The following FARS2 variants were observed in gnomAD, a reference collection of about 807,000 sequenced individuals.
FARS2 encodes the protein phenylalanine--tRNA ligase, mitochondrial.
Under a neutral mutation model 46.4 loss-of-function variants are expected in FARS2, and 40 were observed. The ratio of observed to expected loss-of-function variants is 0.86; its 90% confidence interval spans 0.67 to 1.12. The LOEUF (loss-of-function observed/expected upper bound fraction) is 1.12, where lower values mean the gene tolerates loss of function less well. Among genes scored for constraint, FARS2 ranks in the 50% most tolerant of loss-of-function variants. FARS2 has a pLI of 0.00. For synonymous variants in FARS2, 234 were observed against 214.9 expected (o/e 1.09, Z -0.78); for missense variants, 513 against 567.9 (o/e 0.90, Z 0.98).
intron 6 of FARS2, among the ~76,000 whole-genome samples, chr6:5,621,320 G>A (rs1775766000): frequency 1.3e-5 from 2 of 151,856 alleles, no homozygotes; most frequent in Non-Finnish European, 2.9e-5. Flanking sequence ...TGAACTCCTG[G>A]CCTCAAGGGA....
chr6:5,314,817 A>G (rs1395427248), intron 1 of FARS2, among the ~76,000 whole-genome samples: 1 of 152,192 alleles, frequency 6.6e-6, no homozygotes, highest in African/African-American at 2.4e-5. Flanking sequence ...TACAGATTTC[A>G]TTACTCTTTC....
At chr6:5,290,840 T>G (rs1298698975) in intron 1 of FARS2, among the ~76,000 whole-genome samples, 1 of 152,130 alleles carries the variant, frequency 6.6e-6, no homozygotes, top group Non-Finnish European at 1.5e-5. Context: ...CCACCTCAGC[T>G]TCTCCAGTAA....
At chr6:5,424,074 C>T (rs979624747) in intron 3 of FARS2, among the ~76,000 whole-genome samples, 5 of 152,118 alleles carry the variant, frequency 3.3e-5, no homozygotes, top group African/African-American at 4.8e-5. Flanking sequence ...CCCTGGGAAT[C>T]GTGTCTGTGG....
Position 5,441,259 on chromosome 6 carries a change from A to T in FARS2, c.904+10087A>T, listed in dbSNP as rs1763829185. Among the ~76,000 whole-genome samples, 3 of 152,320 alleles carry T rather than the reference A, an allele frequency of 2.0e-5. No individual in the cohort carries two copies. In the South Asian group the frequency reaches 6.2e-4, roughly 32 times the overall value. On this transcript the variant is annotated intron_variant, in intron 4 of 6. Transcript: ENST00000274680. ...TTCTAATGAGACTAGAAAGGATGCT[A>T]GAATATATTCTGCAAGTTTTTCTTT...
At chr6:5,417,957 G>T (rs951407412) in intron 3 of FARS2, among the ~76,000 whole-genome samples, 10 of 150,712 alleles carry the variant, frequency 6.6e-5, no homozygotes, top group Admixed American at 2.0e-4. Flanking sequence ...AATTTCTATT[G>T]CTTTATCTTC....
chr6:5,462,118 C>T (rs1186892912), intron 4 of FARS2, among the ~76,000 whole-genome samples: 1 of 152,148 alleles, frequency 6.6e-6, no homozygotes, highest in Non-Finnish European at 1.5e-5. Flanking sequence ...GTTTGTATCT[C>T]GTTAGTTTTA....
chr6:5,730,432 G>A (rs1561826310), intron 6 of FARS2, among the ~76,000 whole-genome samples: 1 of 152,138 alleles, frequency 6.6e-6, no homozygotes, highest in Non-Finnish European at 1.5e-5. Flanking sequence ...GGTAAAGACA[G>A]AGGAAAATGT....
At chr6:5,459,478 T>C (rs1765108687) in intron 4 of FARS2, among the ~76,000 whole-genome samples, 1 of 152,122 alleles carries the variant, frequency 6.6e-6, no homozygotes, top group East Asian at 1.9e-4. Context: ...TTTCCTCTTT[T>C]GTGCTGTTGG....
intron 4 of FARS2, among the ~76,000 whole-genome samples, chr6:5,445,245 T>C (rs1764118055): frequency 6.6e-6 from 1 of 152,128 alleles, no homozygotes. Context: ...ATTTAAACTA[T>C]TTATGAAACT....
At chr6:5,698,059 G>C (rs565279392) in intron 6 of FARS2, among the ~76,000 whole-genome samples, 1 of 152,104 alleles carries the variant, frequency 6.6e-6, no homozygotes, top group Non-Finnish European at 1.5e-5. Context: ...GGGAGGACAA[G>C]GGAAGAAAAG....
chr6:5,486,260 T>G (rs930256698), intron 4 of FARS2, among the ~76,000 whole-genome samples: 2 of 152,220 alleles, frequency 1.3e-5, no homozygotes, highest in Non-Finnish European at 2.9e-5. Flanking sequence ...GGGATTATCA[T>G]CCTCACTACA....
At chr6:5,365,519 T>A (rs991676495) in intron 1 of FARS2, among the ~76,000 whole-genome samples, 6 of 144,288 alleles carry the variant, frequency 4.2e-5, no homozygotes, top group Admixed American at 2.1e-4. Flanking sequence ...AATTTTTTTT[T>A]TTTTTTTTTT....
At chr6:5,353,294 C>T (rs1266803413) in intron 1 of FARS2, among the ~76,000 whole-genome samples, 2 of 152,178 alleles carry the variant, frequency 1.3e-5, no homozygotes, top group Admixed American at 1.3e-4. Context: ...TCCTTATTCA[C>T]TTATCTGTTG....
intron 6 of FARS2, among the ~76,000 whole-genome samples, chr6:5,713,043 A>T (rs375439253): frequency 6.6e-6 from 1 of 152,252 alleles, no homozygotes; most frequent in African/African-American, 2.4e-5. Flanking sequence ...GCCCTACCTT[A>T]TCCTGACCTT....
intron 4 of FARS2, among the ~76,000 whole-genome samples, chr6:5,469,504 C>A (rs1765695649): frequency 1.3e-5 from 2 of 152,240 alleles, no homozygotes. Context: ...TGATCCAGTA[C>A]TTAGCTGTTA....
At chr6:5,328,042 A>G (rs754142932) in intron 1 of FARS2, among the ~76,000 whole-genome samples, 19 of 152,224 alleles carry the variant, frequency 1.2e-4, no homozygotes, top group Non-Finnish European at 2.4e-4. Flanking sequence ...ACCGGTTGTC[A>G]AACAGTAAAA....
chr6:5,675,774 C>G (rs1240502274), intron 6 of FARS2, among the ~76,000 whole-genome samples: 2 of 152,160 alleles, frequency 1.3e-5, no homozygotes, highest in Non-Finnish European at 2.9e-5. Context: ...CTGGACAATT[C>G]ATAATAACCT....
At chr6:5,682,982 G>T (rs1253112850) in intron 6 of FARS2, among the ~76,000 whole-genome samples, 1 of 152,238 alleles carries the variant, frequency 6.6e-6, no homozygotes, top group Non-Finnish European at 1.5e-5. Flanking sequence ...CACTGAGGCA[G>T]AACCGAGTTT....
At chr6:5,505,517 A>T (rs1768048160) in intron 4 of FARS2, among the ~76,000 whole-genome samples, 1 of 152,218 alleles carries the variant, frequency 6.6e-6, no homozygotes, top group Non-Finnish European at 1.5e-5. Flanking sequence ...GGATTAAGAG[A>T]TTAAAGTAAA....
Sources: allele counts gnomAD v4.1 joint callset (sites outside exome capture counted in the v4.1 genomes callset), GRCh38; gene constraint gnomAD v4.1.1; transcripts MANE v1.5; gene names NCBI Gene and HGNC (gene_info 2026-07-23, HGNC 2026-07-21).